RPH3A: variants seen among roughly 807,000 people sequenced by gnomAD.
RPH3A encodes the protein rabphilin-3A.
Under a neutral mutation model 102.2 loss-of-function variants are expected in RPH3A, and 48 were observed. The observed-to-expected ratio is 0.47, with a 90% confidence interval of 0.37 to 0.60. The LOEUF (loss-of-function observed/expected upper bound fraction) is 0.60, where lower values mean the gene tolerates loss of function less well. RPH3A is among the 20% of genes least tolerant of loss of function. RPH3A has a pLI of 0.00. For synonymous variants in RPH3A, 310 were observed against 324.3 expected, an observed-to-expected ratio of 0.96 and a Z score of 0.47; for missense variants, 781 against 910.1, an observed-to-expected ratio of 0.86 and a Z score of 1.83.
chr12:112,724,296 C>A (rs780973152), intron 1 of RPH3A, among the ~76,000 whole-genome samples: 7 of 152,140 alleles, frequency 4.6e-5, no homozygotes, highest in Non-Finnish European at 1.0e-4. Flanking sequence ...AACTTCTGAA[C>A]TCAAGCAATC....
At position 112,869,739 on chromosome 12, in the gene RPH3A, T is replaced by G; in HGVS notation, c.611-20T>G. On this transcript the variant is annotated intron_variant, in intron 8 of 21. Coordinates refer to ENST00000389385, the MANE Select transcript of RPH3A (RefSeq NM_001143854.2). The stretch of plus-strand genomic sequence containing the variant: ...ACCAGAAAACCAGTACTCCTCATAA[T>G]TTGTGTTTTCTTTCTCCAGGTGACA... 1 of 1,613,918 alleles carries G rather than the reference T, an allele frequency of 6.2e-7. No individual in the cohort carries two copies. The highest frequency in any genetic ancestry group is 2.2e-5 in the East Asian group (1 of 44,880).
intron 1 of RPH3A, among the ~76,000 whole-genome samples, chr12:112,614,049 T>C (rs963862807): frequency 6.6e-6 from 1 of 152,196 alleles, no homozygotes; most frequent in South Asian, 2.1e-4. Context: ...AGCCAAGGAA[T>C]GCTTGTAAAC....
chr12:112,728,435 A>G (rs1406144685), intron 1 of RPH3A, among the ~76,000 whole-genome samples: 1 of 152,134 alleles, frequency 6.6e-6, no homozygotes, highest in African/African-American at 2.4e-5. Flanking sequence ...GCATCAAATG[A>G]ACGCCCTCAA....
intron 1 of RPH3A, among the ~76,000 whole-genome samples, chr12:112,774,785 G>A (rs1276842240): frequency 6.6e-6 from 1 of 151,746 alleles, no homozygotes; most frequent in Non-Finnish European, 1.5e-5. Flanking sequence ...CGGGGGGTGA[G>A]GTAGGGGGCG....
In RPH3A at chr12:112,809,346, A is replaced by G. The variant is rs187664984; in HGVS notation, c.-19+17083A>G. ...TGTTCTGCCTCTTCTCATCGTGGGAATCTGGGGCCACAAGAACCCTCACTA... is the reference window on the plus strand; with the variant it reads ...TGTTCTGCCTCTTCTCATCGTGGGAGTCTGGGGCCACAAGAACCCTCACTA... On this transcript the variant is annotated intron_variant, in intron 2 of 21. Transcript: ENST00000389385. 2.6e-4 allele frequency among the ~76,000 whole-genome samples: 39 copies of G among 152,146 alleles called. No homozygotes were observed. In the East Asian group the frequency reaches 7.0e-3, roughly 27 times the overall value.
At chr12:112,585,042 G>A (rs1313231647) in intron 1 of RPH3A, among the ~76,000 whole-genome samples, 1 of 152,160 alleles carries the variant, frequency 6.6e-6, no homozygotes, top group Non-Finnish European at 1.5e-5. Context: ...CTGGCAAACC[G>A]CTAGTGTAGG....
At chr12:112,854,279 C>G (rs527339095) in intron 5 of RPH3A, among the ~76,000 whole-genome samples, 13 of 152,328 alleles carry the variant, frequency 8.5e-5, no homozygotes, top group African/African-American at 3.1e-4. Flanking sequence ...ACTGCTCTAG[C>G]CCTTTTGTTG....
intron 5 of RPH3A, among the ~76,000 whole-genome samples, chr12:112,865,198 G>C (rs553443869): frequency 6.6e-6 from 1 of 152,194 alleles, no homozygotes; most frequent in Non-Finnish European, 1.5e-5. Context: ...GAATAGATGG[G>C]ACTTTGAGGG....
intron 1 of RPH3A, among the ~76,000 whole-genome samples, chr12:112,689,756 T>G (rs2040293066): frequency 6.6e-6 from 1 of 152,216 alleles, no homozygotes; most frequent in Non-Finnish European, 1.5e-5. Flanking sequence ...TCAAAGGCAC[T>G]GCAGGACAGG....
chr12:112,695,423 G>A (rs2040343062), intron 1 of RPH3A, among the ~76,000 whole-genome samples: 5 of 152,184 alleles, frequency 3.3e-5, no homozygotes, highest in Admixed American at 2.6e-4. Flanking sequence ...AAAAGATTGA[G>A]GGTATTGCCT....
At chr12:112,808,529 C>T (rs182331571) in intron 2 of RPH3A, among the ~76,000 whole-genome samples, 10 of 152,304 alleles carry the variant, frequency 6.6e-5, no homozygotes, top group Non-Finnish European at 1.2e-4. Flanking sequence ...AGCCCTCAGC[C>T]TCCCCTGGCT....
At chr12:112,824,164 C>T (rs2041828530) in intron 2 of RPH3A, among the ~76,000 whole-genome samples, 1 of 152,216 alleles carries the variant, frequency 6.6e-6, no homozygotes, top group Non-Finnish European at 1.5e-5. Flanking sequence ...GAGGGCGTGG[C>T]TTCACCTGAA....
chr12:112,776,607 G>T (rs2040967342), intron 1 of RPH3A, among the ~76,000 whole-genome samples: 1 of 152,118 alleles, frequency 6.6e-6, no homozygotes, highest in Non-Finnish European at 1.5e-5. Flanking sequence ...GGGCACAATG[G>T]CTCACGCCTG....
intron 1 of RPH3A, among the ~76,000 whole-genome samples, chr12:112,586,555 A>C (rs1354403206): frequency 1.3e-5 from 2 of 152,062 alleles, no homozygotes; most frequent in African/African-American, 4.8e-5. Flanking sequence ...TTACAAGAAG[A>C]CCAAGCAGGG....
intron 1 of RPH3A, among the ~76,000 whole-genome samples, chr12:112,605,788 G>A (rs1020877436): frequency 2.0e-5 from 3 of 152,356 alleles, no homozygotes; most frequent in South Asian, 2.1e-4. Context: ...AGCGTGCATC[G>A]TGTGTCAACC....
chr12:112,778,730 C>T (rs762408213), intron 1 of RPH3A, among the ~76,000 whole-genome samples: 21 of 152,112 alleles, frequency 1.4e-4, no homozygotes, highest in Admixed American at 4.6e-4. Flanking sequence ...TCTTGGCAGC[C>T]CCAGGCTTAC....
intron 1 of RPH3A, among the ~76,000 whole-genome samples, chr12:112,646,133 C>T (rs941564317): frequency 3.9e-5 from 6 of 152,198 alleles, no homozygotes; most frequent in Admixed American, 2.0e-4. Flanking sequence ...TAAATGGTAG[C>T]TATTTGTGTG....
chr12:112,694,132 G>A (rs1316489122), intron 1 of RPH3A, among the ~76,000 whole-genome samples: 4 of 152,224 alleles, frequency 2.6e-5, no homozygotes, highest in Non-Finnish European at 5.9e-5. Flanking sequence ...TCCCTGAGTG[G>A]CCCTCCTTTG....
At chr12:112,835,502 C>T (rs1334731572) in intron 3 of RPH3A, among the ~76,000 whole-genome samples, 5 of 152,186 alleles carry the variant, frequency 3.3e-5, no homozygotes, top group Non-Finnish European at 2.9e-5. Flanking sequence ...AAGTGTTCCT[C>T]GGCTCCCATG....
Sources: allele counts gnomAD v4.1 joint callset (sites outside exome capture counted in the v4.1 genomes callset), GRCh38; gene constraint gnomAD v4.1.1; transcripts MANE v1.5; gene names NCBI Gene and HGNC (gene_info 2026-07-23, HGNC 2026-07-21).